PLAC1: variants seen among roughly 807,000 people sequenced by gnomAD.
The protein encoded by PLAC1 is placenta associated 1.
For synonymous variants in PLAC1, 68 were observed against 62.1 expected (o/e 1.09, Z -0.44); for missense variants, 136 against 163.2 (o/e 0.83, Z 0.91).
chrX:134,655,226 T>G (rs2078384253), intron 1 of PLAC1, among the ~76,000 whole-genome samples: 1 of 110,057 alleles, frequency 9.1e-6, no homozygotes, highest in Admixed American at 9.8e-5. Flanking sequence ...AACGTACAAA[T>G]AGATCAAAGA....
At chrX:134,741,339 C>T (rs192471128) in intron 1 of PLAC1, among the ~76,000 whole-genome samples, 16 of 111,892 alleles carry the variant, frequency 1.4e-4, no homozygotes, top group African/African-American at 4.9e-4. Context: ...CACTGTAGTA[C>T]GGTGAGGAGA....
chrX:134,721,174 G>A (rs149475019), intron 2 of PLAC1, among the ~76,000 whole-genome samples: 19 of 112,522 alleles, frequency 1.7e-4, no homozygotes, highest in African/African-American at 6.1e-4. Context: ...TATACAAATG[G>A]CCAATAAGTA....
intron 2 of PLAC1, among the ~76,000 whole-genome samples, chrX:134,723,355 T>A (rs1413711023): frequency 9.3e-6 from 1 of 107,393 alleles, no homozygotes; most frequent in Non-Finnish European, 1.9e-5. Flanking sequence ...CCACCCAGGC[T>A]GGAGTGCAGT....
At chrX:134,596,060 A>G (rs1291214298) in intron 2 of PLAC1, among the ~76,000 whole-genome samples, 2 of 111,689 alleles carry the variant, frequency 1.8e-5, no homozygotes, top group East Asian at 5.6e-4. Flanking sequence ...TACATAACTT[A>G]TCACAGTCTG....
At chrX:134,652,232 A>G (rs886977348) in intron 1 of PLAC1, among the ~76,000 whole-genome samples, 9 of 112,090 alleles carry the variant, frequency 8.0e-5, no homozygotes, top group African/African-American at 1.3e-4. Flanking sequence ...TTCCTCAGAA[A>G]ACACCCACGT....
At chrX:134,763,460 A>C (rs1422115021) in intron 1 of PLAC1, among the ~76,000 whole-genome samples, 1 of 111,115 alleles carries the variant, frequency 9.0e-6, no homozygotes, top group East Asian at 2.8e-4. Context: ...TCAGCCCCTC[A>C]TGTTCCCCCC....
Position 134,615,155 on chromosome X carries a change from G to C in PLAC1, c.-130-13033C>G, listed in dbSNP as rs775948334. ...TAATTTTTTCAGGAACCTCTATCCT[G>C]TTTTCCACAATGGCTTTACTCATTT... On this transcript the variant is annotated intron_variant, in intron 1 of 2. Coordinates refer to ENST00000359237, the MANE Select transcript of PLAC1 (RefSeq NM_021796.4). Among the ~76,000 whole-genome samples, 14 of 112,173 alleles carry C rather than the reference G, an allele frequency of 1.2e-4. No individual in the cohort carries two copies. The South Asian group carries it at 5.2e-3, about 42-fold the overall frequency.
chrX:134,598,248 T>A (rs1014900767), intron 2 of PLAC1, among the ~76,000 whole-genome samples: 1 of 111,864 alleles, frequency 8.9e-6, no homozygotes, highest in African/African-American at 3.2e-5. Context: ...TCGTGTAGCT[T>A]GTGAGATGTT....
intron 2 of PLAC1, among the ~76,000 whole-genome samples, chrX:134,693,949 TG>T (rs1449673950): frequency 9.0e-6 from 1 of 111,522 alleles, no homozygotes; most frequent in East Asian, 2.8e-4. Context: ...AAAAGTGATC[TG>T]GTACAAGGTT....
intron 2 of PLAC1, among the ~76,000 whole-genome samples, chrX:134,570,781 T>C (rs2077904196): frequency 8.9e-6 from 1 of 111,953 alleles, no homozygotes; most frequent in Non-Finnish European, 1.9e-5. Context: ...AGCTTTCTGT[T>C]TTTTTGTAAA....
chrX:134,750,591 A>C (rs780031499), intron 1 of PLAC1, among the ~76,000 whole-genome samples: 1 of 105,026 alleles, frequency 9.5e-6, no homozygotes, highest in Non-Finnish European at 1.9e-5. Context: ...TCTTACTCCC[A>C]CATTTATTTT....
In PLAC1 at chrX:134,587,020, T is replaced by G. The variant is rs553402817; in HGVS notation, c.-59+15031A>C. ...GCCCACATTAACATTTATGGAGTAC[T>G]AACAACATGCCAGGCACTGCACTTA... On this transcript the variant is annotated intron_variant, in intron 2 of 2. Coordinates refer to ENST00000359237, the MANE Select transcript of PLAC1 (RefSeq NM_021796.4). 2.7e-5 allele frequency among the ~76,000 whole-genome samples: 3 copies of G among 110,785 alleles called. No homozygotes were observed. In the South Asian group the frequency reaches 1.2e-3, roughly 43 times the overall value.
intron 1 of PLAC1, among the ~76,000 whole-genome samples, chrX:134,762,844 A>AAAAAG (rs1172942170): frequency 4.1e-4 from 43 of 104,870 alleles, no homozygotes; most frequent in Non-Finnish European, 6.8e-4. Flanking sequence ...AAAAAAAAAA[A>AAAAAG]AAAAGAAAAG....
chrX:134,743,102 A>G (rs958737820), intron 1 of PLAC1, among the ~76,000 whole-genome samples: 1 of 111,950 alleles, frequency 8.9e-6, no homozygotes, highest in Middle Eastern at 4.6e-3. Context: ...GATAAATGTG[A>G]AATTACAGGA....
intron 2 of PLAC1, among the ~76,000 whole-genome samples, chrX:134,583,884 GAGA>G (rs1248228908): frequency 9.0e-6 from 1 of 111,151 alleles, no homozygotes; most frequent in East Asian, 2.8e-4. Context: ...TGGGGAGAGA[GAGA>G]AGGAGAGAAG....
intron 1 of PLAC1, among the ~76,000 whole-genome samples, chrX:134,613,285 T>C (rs183091526): frequency 2.1e-3 from 234 of 111,490 alleles, no homozygotes; most frequent in African/African-American, 7.3e-3. Flanking sequence ...ATTGTGTCCA[T>C]GTGGGATCAG....
rs1391225151 is a variant in PLAC1 at position 134,589,702 on chromosome X, G to T, written c.-59+12349C>A. Among the ~76,000 whole-genome samples the T allele has an allele frequency of 3.1e-5, 3 of 95,264 alleles. No homozygotes were observed. The Admixed American group carries it at 3.5e-4, about 11-fold the overall frequency. The allele number at this position is 95,264 out of a possible 115,157, so 82.7% of individuals were successfully genotyped here. On this transcript the variant is annotated intron_variant, in intron 2 of 2. Transcript: ENST00000359237. ...AGATCACACCACTGCACTCCAGCCT[G>T]GGTGACAGAGCAAGACTCTGTCTCA...
At chrX:134,750,109 G>A (rs768707244) in intron 1 of PLAC1, among the ~76,000 whole-genome samples, 35 of 112,150 alleles carry the variant, frequency 3.1e-4, no homozygotes, top group Non-Finnish European at 5.6e-4. Context: ...GTTTAAGAGA[G>A]AGTAACAGAG....
chrX:134,569,792 G>T (rs866019513), intron 2 of PLAC1, among the ~76,000 whole-genome samples: 1 of 99,969 alleles, frequency 1.0e-5, no homozygotes, highest in African/African-American at 3.6e-5. Context: ...GTGTGTTTGT[G>T]TGTGTGTGTG....
Sources: gnomAD v4.1 joint callset for allele counts (sites outside exome capture counted in the v4.1 genomes callset) on GRCh38, gnomAD v4.1.1 for gene constraint, MANE v1.5 for transcripts, NCBI Gene and HGNC (gene_info 2026-07-23, HGNC 2026-07-21) for gene names.